The following ADAM19 variants were observed in gnomAD, a reference collection of about 807,000 sequenced individuals.
ADAM19 encodes the protein ADAM metallopeptidase domain 19.
ADAM19 carries 65 observed loss-of-function variants against 114.7 expected under a neutral mutation model. The observed-to-expected ratio is 0.57, with a 90% CI of 0.46 to 0.70. The LOEUF (loss-of-function observed/expected upper bound fraction) is 0.70, where lower values mean the gene tolerates loss of function less well. Among genes scored for constraint, ADAM19 ranks in the 30% least tolerant of loss-of-function variants. ADAM19 has a pLI of 0.00. For synonymous variants in ADAM19, 466 were observed against 460.5 expected (o/e 1.01, Z -0.15); for missense variants, 1,063 against 1,204.7 (o/e 0.88, Z 1.74).
At chr5:157,530,774 C>A (rs1211081808) in intron 5 of ADAM19, 33 bp downstream of exon 5, 3 of 1,585,606 alleles carry the variant, frequency 1.9e-6, no homozygotes, top group Non-Finnish European at 2.6e-6. Flanking sequence ...GGGGAGAGTG[C>A]CCGGTGCCAC....
chr5:157,569,937 T>C (rs1561561630), intron 2 of ADAM19, among the ~76,000 whole-genome samples: 1 of 152,202 alleles, frequency 6.6e-6, no homozygotes, highest in Non-Finnish European at 1.5e-5. Context: ...TCTTCCTTTC[T>C]TGCTCTTTCA....
At chr5:157,571,644 G>A (rs563757997) in intron 1 of ADAM19, among the ~76,000 whole-genome samples, 8 of 152,286 alleles carry the variant, frequency 5.3e-5, no homozygotes, top group East Asian at 1.9e-4. Context: ...CTCTGCCTGC[G>A]TGGTGGAGAA....
At chr5:157,538,618 C>T (rs1756831515) in intron 3 of ADAM19, among the ~76,000 whole-genome samples, 1 of 152,180 alleles carries the variant, frequency 6.6e-6, no homozygotes, top group Admixed American at 6.5e-5. Context: ...TTAGTGGTTC[C>T]GATTTCCTGA....
intron 11 of ADAM19, among the ~76,000 whole-genome samples, chr5:157,504,834 C>T (rs1006858737): frequency 4.9e-5 from 6 of 122,582 alleles, no homozygotes; most frequent in African/African-American, 2.3e-4. Flanking sequence ...TTAAAAATCC[C>T]TCATGTCCAG....
At chr5:157,572,686 C>A (rs373537522) in intron 1 of ADAM19, among the ~76,000 whole-genome samples, 33 of 152,308 alleles carry the variant, frequency 2.2e-4, no homozygotes, top group African/African-American at 7.9e-4. Flanking sequence ...CAAATATTTT[C>A]TGAGTACTTA....
intron 11 of ADAM19, among the ~76,000 whole-genome samples, chr5:157,504,197 A>G (rs183311239): frequency 2.6e-5 from 4 of 152,332 alleles, no homozygotes; most frequent in Admixed American, 6.5e-5. Flanking sequence ...CCATGAGCTT[A>G]TAGGGATCCA....
At position 157,523,584 on chromosome 5, in the gene ADAM19, A is replaced by G. The variant is rs547474651; in HGVS notation, c.408-3553T>C. On this transcript the variant is annotated intron_variant, in intron 5 of 22. Transcript: ENST00000257527. ...CTCACCACTTGATCTCTGCACACAC[A>G]GGCTCCCCTTCACCTTCTGCCATGA... 5.3e-5 allele frequency among the ~76,000 whole-genome samples: 8 copies of G among 152,256 alleles called. No individual in the cohort carries two copies. In the South Asian group the frequency reaches 1.7e-3, roughly 32 times the overall value.
chr5:157,557,663 G>T (rs1420961885), intron 3 of ADAM19, among the ~76,000 whole-genome samples: 1 of 152,134 alleles, frequency 6.6e-6, no homozygotes, highest in Non-Finnish European at 1.5e-5. Context: ...AAGATCAAGG[G>T]ATCAGCAGAT....
chr5:157,553,034 G>A (rs975990770), intron 3 of ADAM19, among the ~76,000 whole-genome samples: 18 of 152,186 alleles, frequency 1.2e-4, no homozygotes, highest in Admixed American at 3.3e-4. Context: ...ATGGTTACCA[G>A]AGGCTGGGAA....
At chr5:157,509,008 C>T (rs572720678) in intron 9 of ADAM19, among the ~76,000 whole-genome samples, 42 of 152,368 alleles carry the variant, frequency 2.8e-4, no homozygotes, top group Non-Finnish European at 5.0e-4. Flanking sequence ...CAGTCAGTCC[C>T]TTCCCAAATA....
chr5:157,486,716 T>C (rs977189685), intron 21 of ADAM19, among the ~76,000 whole-genome samples: 1 of 151,938 alleles, frequency 6.6e-6, no homozygotes, highest in Admixed American at 6.6e-5. Context: ...TGTTCTCCTG[T>C]AACCCCAAGT....
intron 9 of ADAM19, among the ~76,000 whole-genome samples, chr5:157,508,738 C>A (rs1331241982): frequency 6.6e-6 from 1 of 152,134 alleles, no homozygotes; most frequent in South Asian, 2.1e-4. Flanking sequence ...ACATGTGACC[C>A]CCATCACTGT....
At chr5:157,541,418 T>A (rs1002287596) in intron 3 of ADAM19, among the ~76,000 whole-genome samples, 7 of 152,208 alleles carry the variant, frequency 4.6e-5, no homozygotes, top group Non-Finnish European at 8.8e-5. Context: ...GTCTGCTCTG[T>A]GCTCAGGAGC....
At chr5:157,559,733 G>T (rs1275510784) in intron 3 of ADAM19, among the ~76,000 whole-genome samples, 1 of 152,194 alleles carries the variant, frequency 6.6e-6, no homozygotes, top group Non-Finnish European at 1.5e-5. Context: ...CAAATCTGTG[G>T]GTTGTGCAAA....
chr5:157,571,121 A>T, intron 1 of ADAM19, 141 bp from the exon 2 acceptor site: 1 of 647,956 alleles, frequency 1.5e-6, no homozygotes, highest in Non-Finnish European at 2.7e-6. Flanking sequence ...CTTCCTAGGA[A>T]CTAGGCACTC....
intron 3 of ADAM19, among the ~76,000 whole-genome samples, chr5:157,561,572 G>C (rs1162486143): frequency 6.6e-6 from 1 of 152,108 alleles, no homozygotes; most frequent in East Asian, 1.9e-4. Context: ...TCATCTATTA[G>C]GGCCTTGGAA....
Position 157,502,824 on chromosome 5 carries a change from C to A in ADAM19, c.1287G>T (p.Glu429Asp). The change falls in exon 12 of 23, where the codon GAG becomes GAT. Residue 429 changes from glutamate (E) to aspartate (D), a missense_variant. By Grantham distance (45) the Glu-to-Asp change is conservative. Coordinates refer to ENST00000257527, the MANE Select transcript of ADAM19 (RefSeq NM_033274.5). ...TCACCTCTTCTTCTCCACAGTCACA[C>A]TCTTCCCCATCTTCCAGATACCCGT... ...CGNGYLEDGE[E>D]CDCGEEEECN... 1 of 1,614,216 alleles carries A rather than the reference C, an allele frequency of 6.2e-7. No homozygotes were observed. Among genetic ancestry groups the A allele is most frequent in the Non-Finnish European group, 8.5e-7 (1 of 1,180,028 alleles).
intron 1 of ADAM19, among the ~76,000 whole-genome samples, chr5:157,572,776 C>T (rs993947940): frequency 3.3e-5 from 5 of 152,172 alleles, no homozygotes; most frequent in African/African-American, 4.8e-5. Context: ...AGGACAGGAA[C>T]GGTGGCTCAC....
intron 11 of ADAM19, 71 bp from the exon 12 acceptor site, chr5:157,503,051 T>C (rs1755619249): frequency 6.9e-7 from 1 of 1,450,926 alleles, no homozygotes; most frequent in East Asian, 2.3e-5. Context: ...TCACTCGTGC[T>C]GTCACTCCTG....
Sources: allele counts gnomAD v4.1 joint callset (sites outside exome capture counted in the v4.1 genomes callset), GRCh38; gene constraint gnomAD v4.1.1; transcripts MANE v1.5; gene names NCBI Gene and HGNC (gene_info 2026-07-23, HGNC 2026-07-21).